The following ROR1 variants were observed in gnomAD, a reference collection of about 807,000 sequenced individuals.
ROR1 encodes the protein inactive tyrosine-protein kinase transmembrane receptor ROR1.
ROR1 carries 19 observed loss-of-function variants against 78.8 expected under a neutral mutation model. The ratio of observed to expected loss-of-function variants is 0.24; its 90% CI spans 0.17 to 0.35. The LOEUF is 0.35. Ranked by LOEUF, ROR1 falls within the 10% of genes least tolerant of loss-of-function variation. ROR1 has a pLI of 1.00. For synonymous variants in ROR1, 386 were observed against 433.6 expected (o/e 0.89, Z 1.36); for missense variants, 917 against 1,177.8 (o/e 0.78, Z 3.24).
intron 6 of ROR1, among the ~76,000 whole-genome samples, chr1:64,141,923 A>G (rs1241340975): frequency 1.3e-5 from 2 of 152,096 alleles, no homozygotes; most frequent in Non-Finnish European, 2.9e-5. Flanking sequence ...ATCAGCACAG[A>G]GATAGCCCCC....
At chr1:63,948,058 G>A (rs866727760) in intron 1 of ROR1, among the ~76,000 whole-genome samples, 4 of 152,110 alleles carry the variant, frequency 2.6e-5, no homozygotes, top group African/African-American at 4.8e-5. Flanking sequence ...GAAAACTGCC[G>A]CACAGAATCG....
intron 8 of ROR1, 70 bp from the exon 9 acceptor site, chr1:64,177,358 T>G: frequency 1.7e-6 from 2 of 1,166,040 alleles, no homozygotes; most frequent in Non-Finnish European, 2.5e-6. Flanking sequence ...GCCCCGTCCC[T>G]CCTTTCGGAT....
chr1:63,842,852 G>A (rs1471174644), intron 1 of ROR1, among the ~76,000 whole-genome samples: 2 of 151,988 alleles, frequency 1.3e-5, no homozygotes, highest in African/African-American at 2.4e-5. Flanking sequence ...TTAGAAGTTG[G>A]CAGCATGGGA....
At chr1:64,133,226 C>T (rs1465052542) in intron 4 of ROR1, among the ~76,000 whole-genome samples, 1 of 152,086 alleles carries the variant, frequency 6.6e-6, no homozygotes, top group Non-Finnish European at 1.5e-5. Context: ...AAGCCATGTC[C>T]GCATCGAAGT....
At chr1:63,789,274 C>T (rs1171198298) in intron 1 of ROR1, 5 of 556,310 alleles carry the variant, frequency 9.0e-6, no homozygotes, top group African/African-American at 5.7e-5. Context: ...ACCCTAGAGG[C>T]AAGCCTCTTC....
At chr1:63,911,055 T>A (rs376540595) in intron 1 of ROR1, among the ~76,000 whole-genome samples, 2 of 152,302 alleles carry the variant, frequency 1.3e-5, no homozygotes, top group South Asian at 2.1e-4. Context: ...GGCCTTCAGG[T>A]GTCTGATGGA....
intron 8 of ROR1, among the ~76,000 whole-genome samples, 171 bp from the exon 9 acceptor site, chr1:64,177,257 T>G (rs150902668): frequency 6.6e-6 from 1 of 152,248 alleles, no homozygotes; most frequent in Non-Finnish European, 1.5e-5. Flanking sequence ...AAGTTGTCTA[T>G]GGCACCTCCC....
At chr1:63,964,901 A>G (rs1307855820) in intron 1 of ROR1, among the ~76,000 whole-genome samples, 1 of 152,218 alleles carries the variant, frequency 6.6e-6, no homozygotes, top group African/African-American at 2.4e-5. Flanking sequence ...ATGAGTTTCT[A>G]AGCTGGGCCT....
intron 1 of ROR1, among the ~76,000 whole-genome samples, chr1:63,784,210 T>C (rs191671907): frequency 5.9e-5 from 9 of 152,332 alleles, no homozygotes; most frequent in Admixed American, 5.9e-4. Flanking sequence ...AAATAGGATT[T>C]ATTTCTCTCT....
At chr1:63,957,686 C>T (rs899457772) in intron 1 of ROR1, among the ~76,000 whole-genome samples, 5 of 152,008 alleles carry the variant, frequency 3.3e-5, no homozygotes, top group African/African-American at 1.2e-4. Flanking sequence ...CGTTTGTCTA[C>T]ATAGTGTTTT....
intron 1 of ROR1, among the ~76,000 whole-genome samples, chr1:63,953,229 G>A (rs1051818110): frequency 3.1e-4 from 47 of 152,038 alleles, no homozygotes; most frequent in Admixed American, 2.3e-3. Context: ...TGTCATCTTG[G>A]GCAGCTTTTA....
At chr1:64,030,728 T>G (rs982545426) in intron 2 of ROR1, among the ~76,000 whole-genome samples, 1 of 152,194 alleles carries the variant, frequency 6.6e-6, no homozygotes, top group Non-Finnish European at 1.5e-5. Context: ...ATCCCTGACA[T>G]AGACTTAATG....
intron 1 of ROR1, among the ~76,000 whole-genome samples, chr1:63,881,587 T>A (rs1417791329): frequency 6.6e-6 from 1 of 152,172 alleles, no homozygotes; most frequent in Non-Finnish European, 1.5e-5. Flanking sequence ...AAAGACTACC[T>A]CTTGCCACTA....
In ROR1 at chr1:63,915,035, C is replaced by A. The variant is rs575045458; in HGVS notation, c.92-94270C>A. ...CATAGCTACCCTTTATTGAATACATCGTGCTTGGTATTTTCTCATCAAATC... is the reference window on the plus strand; with the variant it reads ...CATAGCTACCCTTTATTGAATACATAGTGCTTGGTATTTTCTCATCAAATC... On this transcript the variant is annotated intron_variant, in intron 1 of 8. Transcript: ENST00000371079. Among the ~76,000 whole-genome samples, 37 of 152,290 alleles carry A rather than the reference C, an allele frequency of 2.4e-4. 1 individual carries two copies. In the South Asian group the frequency reaches 7.7e-3, roughly 32 times the overall value.
rs139072514 is a variant in ROR1, at chr1:64,049,796, G to A, written c.269G>A (p.Arg90His). 5.1e-5 allele frequency: 82 copies of A among 1,614,050 alleles called. No homozygotes were observed. Among genetic ancestry groups the A allele is most frequent in the African/African-American group, 9.3e-5 (7 of 74,920 alleles). Reference sequence around the variant, plus strand: ...TCTGGGAATCCACCTCCCACCATCCGCTGGTTCAAAAATGATGCTCCTGTG... The same window carrying A: ...TCTGGGAATCCACCTCCCACCATCCACTGGTTCAAAAATGATGCTCCTGTG... The part of the protein sequence containing the change: ...KVSGNPPPTI[R>H]WFKNDAPVVQ... Residue 90 changes from arginine (R) to histidine (H), a missense_variant, in exon 3 of 9, where the codon CGC becomes CAC. Physicochemically the swap from Arg to His is conservative, Grantham distance 29. Transcript: ENST00000371079.
chr1:64,077,063 T>C (rs1432359399), intron 4 of ROR1, among the ~76,000 whole-genome samples: 1 of 152,200 alleles, frequency 6.6e-6, no homozygotes, highest in Non-Finnish European at 1.5e-5. Flanking sequence ...ATGGCTGTTA[T>C]AGGGGAAAAA....
chr1:64,055,538 G>A (rs1435267967), intron 4 of ROR1, among the ~76,000 whole-genome samples: 1 of 152,134 alleles, frequency 6.6e-6, no homozygotes, highest in Non-Finnish European at 1.5e-5. Flanking sequence ...GAACAGTGCT[G>A]GTCACAAAAA....
intron 1 of ROR1, among the ~76,000 whole-genome samples, chr1:63,794,084 CCTCA>C (rs1161590410): frequency 6.6e-6 from 1 of 152,196 alleles, no homozygotes; most frequent in Non-Finnish European, 1.5e-5. Context: ...TGAAGGACGT[CCTCA>C]CTGTCACCGC....
chr1:64,159,101 A>G lies in ROR1; in HGVS notation c.1295A>G (p.Gln432Arg). The G allele has an allele frequency of 3.1e-6, 5 of 1,614,152 alleles. No homozygotes were observed. Among genetic ancestry groups the G allele is most frequent in the Non-Finnish European group, 4.2e-6 (5 of 1,180,012 alleles). Reference sequence around the variant, plus strand: ...TTCATTTGCGTCTGTCGGAATAACCAGAAGTCATCGTCGGCACCAGTCCAG... The same window carrying G: ...TTCATTTGCGTCTGTCGGAATAACCGGAAGTCATCGTCGGCACCAGTCCAG... The part of the protein sequence containing the change: ...FFFICVCRNN[Q>R]KSSSAPVQRQ... The change falls in exon 8 of 9, where the codon CAG becomes CGG. Residue 432 changes from glutamine (Q) to arginine (R), a missense_variant. Coordinates refer to ENST00000371079, the MANE Select transcript of ROR1 (RefSeq NM_005012.4).
Sources: gnomAD v4.1 joint callset for allele counts (sites outside exome capture counted in the v4.1 genomes callset) on GRCh38, gnomAD v4.1.1 for gene constraint, MANE v1.5 for transcripts, NCBI Gene and HGNC (gene_info 2026-07-23, HGNC 2026-07-21) for gene names.